CSRNP3: variants seen among roughly 807,000 people sequenced by gnomAD.
CSRNP3 encodes cysteine/serine-rich nuclear protein 3.
CSRNP3 carries 12 observed loss-of-function variants against 48.0 expected under a neutral mutation model. That is an observed-to-expected ratio of 0.25 (90% CI 0.16 to 0.41). The LOEUF (loss-of-function observed/expected upper bound fraction) is 0.41. CSRNP3 is among the 10% of genes least tolerant of loss of function. The pLI is 1.00. For missense variants in CSRNP3, 580 were observed against 724.4 expected (o/e 0.80, Z 2.29); for synonymous variants, 263 against 269.7 (o/e 0.98, Z 0.24).
At chr2:165,596,407 A>C (rs948871369) in intron 4 of CSRNP3, among the ~76,000 whole-genome samples, 1 of 152,122 alleles carries the variant, frequency 6.6e-6, no homozygotes, top group African/African-American at 2.4e-5. Flanking sequence ...TATAACAAAG[A>C]ATTTACTTTG....
chr2:165,552,722 A>G (rs1296033771), intron 3 of CSRNP3, among the ~76,000 whole-genome samples: 3 of 150,268 alleles, frequency 2.0e-5, no homozygotes, highest in Admixed American at 1.3e-4. Context: ...TTTTTTTGAG[A>G]TGGAGTCTCA....
chr2:165,586,372 A>T (rs1283400024), intron 3 of CSRNP3, among the ~76,000 whole-genome samples: 1 of 152,238 alleles, frequency 6.6e-6, no homozygotes, highest in African/African-American at 2.4e-5. Context: ...TTAATTGCAC[A>T]GTCATTTACT....
intron 4 of CSRNP3, among the ~76,000 whole-genome samples, chr2:165,602,143 C>G (rs945350870): frequency 1.1e-4 from 16 of 152,144 alleles, no homozygotes; most frequent in Non-Finnish European, 1.8e-4. Flanking sequence ...GTGTTCAGGC[C>G]AAGCTGAACA....
chr2:165,551,628 C>CA (rs1416332257), intron 3 of CSRNP3, among the ~76,000 whole-genome samples: 2 of 152,156 alleles, frequency 1.3e-5, no homozygotes, highest in African/African-American at 4.8e-5. Flanking sequence ...GCTGGGAGAA[C>CA]AAAGTTGTAT....
rs1202793633 is a variant in CSRNP3 at position 165,688,588 on chromosome 2, G to C, written c.*8835G>C. 1.3e-5 allele frequency: 2 copies of C among 152,070 alleles called. No homozygotes were observed. Among genetic ancestry groups the C allele is most frequent in the African/African-American group, 4.8e-5 (2 of 41,426 alleles). The allele number at this position is 152,070 out of a possible 1,614,324, so 9.4% of individuals were successfully genotyped here. On this transcript the variant is annotated 3_prime_UTR_variant, in exon 7 of 7. Coordinates refer to ENST00000651982, the MANE Select transcript of CSRNP3 (RefSeq NM_001172173.2). ...GATCATAGTTTTAGACATCAACTAT[G>C]TCTCACTTTCCAACTGCCATAGAAA...
chr2:165,625,092 C>G (rs1327048076), intron 4 of CSRNP3, among the ~76,000 whole-genome samples: 4 of 152,148 alleles, frequency 2.6e-5, no homozygotes, highest in African/African-American at 4.8e-5. Flanking sequence ...TGACTCCCAT[C>G]ATTTTGGTTG....
At position 165,680,986 on chromosome 2, in the gene CSRNP3, T is replaced by C. The variant is rs1450004708; in HGVS notation, c.*1233T>C. On this transcript the variant is annotated 3_prime_UTR_variant, in exon 7 of 7. Transcript: ENST00000651982. ...CTACCCAAATACTCAACTAGGCCTT[T>C]CTTTTCTGAAGCATTTTGATTTGTC... The C allele has an allele frequency of 6.6e-6, 1 of 152,208 alleles. No homozygotes were observed. Among genetic ancestry groups the C allele is most frequent in the African/African-American group, 2.4e-5 (1 of 41,442 alleles). The allele number at this position is 152,208 out of a possible 1,614,324, so 9.4% of individuals were successfully genotyped here.
At chr2:165,538,791 T>C (rs908213120) in intron 3 of CSRNP3, among the ~76,000 whole-genome samples, 13 of 151,966 alleles carry the variant, frequency 8.6e-5, no homozygotes, top group Admixed American at 4.6e-4. Context: ...TTTTCTGGCA[T>C]GTAGCAATAC....
chr2:165,636,688 T>C (rs1388200013), intron 4 of CSRNP3, among the ~76,000 whole-genome samples: 3 of 152,240 alleles, frequency 2.0e-5, no homozygotes, highest in Non-Finnish European at 4.4e-5. Context: ...ATGTAAGTCA[T>C]ATGCATATTT....
Position 165,683,427 on chromosome 2 carries a change from G to A in CSRNP3, c.*3674G>A, listed in dbSNP as rs1402702951. 3 of 152,060 alleles carry A rather than the reference G, an allele frequency of 2.0e-5. No individual in the cohort carries two copies. Among genetic ancestry groups the A allele is most frequent in the Non-Finnish European group, 4.4e-5 (3 of 67,986 alleles). 9.4% of individuals were successfully genotyped at this position (152,060 alleles called of 1,614,324 possible). ...ACGAATTAATCAAGAAGCAAAGAGA[G>A]TATGTTAAGTGGCTATGTTCTTTAA... On this transcript the variant is annotated 3_prime_UTR_variant, in exon 7 of 7. Coordinates refer to ENST00000651982, the MANE Select transcript of CSRNP3 (RefSeq NM_001172173.2).
chr2:165,604,231 T>C lies in CSRNP3; in HGVS notation c.148+9018T>C, dbSNP rs73972112. On this transcript the variant is annotated intron_variant, in intron 4 of 6. Transcript: ENST00000651982. Reference sequence around the variant, plus strand: ...AACACTTACTGTATTCTATTTTACATTGGAATTATTTATGCACACATCTTA... The same window carrying C: ...AACACTTACTGTATTCTATTTTACACTGGAATTATTTATGCACACATCTTA... Among the ~76,000 whole-genome samples, 349 of 152,324 alleles carry C rather than the reference T, an allele frequency of 2.3e-3. 1 individual carries two copies. The highest frequency in any genetic ancestry group is 7.9e-3 in the African/African-American group (330 of 41,588).
chr2:165,508,655 T>C (rs1004496371), intron 2 of CSRNP3, among the ~76,000 whole-genome samples: 1 of 152,190 alleles, frequency 6.6e-6, no homozygotes, highest in Non-Finnish European at 1.5e-5. Flanking sequence ...AAATGGATTA[T>C]ATTTTCTCTG....
chr2:165,473,673 A>T (rs919512202), intron 1 of CSRNP3, among the ~76,000 whole-genome samples: 1 of 152,196 alleles, frequency 6.6e-6, no homozygotes, highest in Non-Finnish European at 1.5e-5. Context: ...TTTGGTATGA[A>T]GAAGCAAGGA....
chr2:165,514,959 G>A (rs917973639), intron 2 of CSRNP3, among the ~76,000 whole-genome samples: 13 of 152,300 alleles, frequency 8.5e-5, no homozygotes, highest in Middle Eastern at 3.4e-3. Flanking sequence ...TTTCAAACAG[G>A]TTAGAGTTTG....
chr2:165,682,281 T>C lies in CSRNP3; in HGVS notation c.*2528T>C, dbSNP rs1687560640. The C allele has an allele frequency of 6.6e-6, 1 of 152,108 alleles. No individual in the cohort carries two copies. The highest frequency in any genetic ancestry group is 1.5e-5 in the Non-Finnish European group (1 of 68,002). The allele number at this position is 152,108 out of a possible 1,614,324, so 9.4% of individuals were successfully genotyped here. ...ACAGAGTTTTTTTCCCCTATCCATT[T>C]ATCTAGGGTAGAAAGTCACTGCCCT... On this transcript the variant is annotated 3_prime_UTR_variant, in exon 7 of 7. Coordinates refer to ENST00000651982, the MANE Select transcript of CSRNP3 (RefSeq NM_001172173.2).
chr2:165,612,629 T>C (rs1686158034), intron 4 of CSRNP3, among the ~76,000 whole-genome samples: 3 of 152,014 alleles, frequency 2.0e-5, no homozygotes, highest in Admixed American at 6.6e-5. Context: ...TCTACTTTTA[T>C]TAGCCCAAAT....
chr2:165,526,460 G>A (rs974367035), intron 3 of CSRNP3, among the ~76,000 whole-genome samples: 2 of 152,116 alleles, frequency 1.3e-5, no homozygotes, highest in East Asian at 3.8e-4. Context: ...AAAGGCTTGT[G>A]AGAGCTTTTC....
At chr2:165,606,276 A>G (rs546739498) in intron 4 of CSRNP3, among the ~76,000 whole-genome samples, 1 of 151,684 alleles carries the variant, frequency 6.6e-6, no homozygotes, top group African/African-American at 2.4e-5. Flanking sequence ...CAAGCTACAG[A>G]CTAAAAGGAG....
At chr2:165,546,435 C>T (rs1685026994) in intron 3 of CSRNP3, among the ~76,000 whole-genome samples, 1 of 152,278 alleles carries the variant, frequency 6.6e-6, no homozygotes, top group South Asian at 2.1e-4. Context: ...TTGTGATCCA[C>T]CCGCCTAGGC....
Sources: gnomAD v4.1 joint callset for allele counts (sites outside exome capture counted in the v4.1 genomes callset) on GRCh38, gnomAD v4.1.1 for gene constraint, MANE v1.5 for transcripts, NCBI Gene and HGNC (gene_info 2026-07-23, HGNC 2026-07-21) for gene names.